Variants in MAGI1 observed in about 807,000 individuals in gnomAD.
MAGI1 encodes membrane associated guanylate kinase, WW and PDZ domain containing 1, also known as membrane-associated guanylate kinase, WW and PDZ domain-containing protein 1.
Under a neutral mutation model 139.9 loss-of-function variants are expected in MAGI1, and 58 were observed. The observed-to-expected ratio is 0.41, with a 90% CI of 0.34 to 0.52. The LOEUF (loss-of-function observed/expected upper bound fraction) is 0.52, where lower values mean the gene tolerates loss of function less well. Ranked by LOEUF, MAGI1 falls within the 20% of genes least tolerant of loss-of-function variation. The pLI is 0.12. For synonymous variants in MAGI1, 812 were observed against 737.9 expected, an observed-to-expected ratio of 1.10 and a Z score of -1.63; for missense variants, 1,874 against 1,901.6, an observed-to-expected ratio of 0.99 and a Z score of 0.27.
chr3:65,893,844 T>G (rs1156344863), intron 1 of MAGI1: 1 of 152,222 alleles, frequency 6.6e-6, no homozygotes, highest in African/African-American at 2.4e-5. Flanking sequence ...CTCTGCTTCC[T>G]GATGTCTGAA....
chr3:65,896,785 G>A (rs1193183944), intron 1 of MAGI1, among the ~76,000 whole-genome samples: 2 of 152,158 alleles, frequency 1.3e-5, no homozygotes, highest in Non-Finnish European at 2.9e-5. Flanking sequence ...TAGTGTAAAA[G>A]CAGGTGAGGC....
At chr3:65,908,563 C>T (rs1483517417) in intron 1 of MAGI1, among the ~76,000 whole-genome samples, 4 of 152,198 alleles carry the variant, frequency 2.6e-5, no homozygotes, top group African/African-American at 7.2e-5. Flanking sequence ...GGATTAGAGG[C>T]GTGAGCCACT....
chr3:65,375,711 AG>A, intron 18 of MAGI1, 33 bp downstream of exon 18: 1 of 1,445,992 alleles, frequency 6.9e-7, no homozygotes, highest in Non-Finnish European at 9.7e-7. Context: ...AGAGAAAAAG[AG>A]AGAGAGAGAG....
intron 12 of MAGI1, among the ~76,000 whole-genome samples, chr3:65,427,109 T>A (rs1947100212): frequency 6.6e-6 from 1 of 151,844 alleles, no homozygotes; most frequent in African/African-American, 2.4e-5. Flanking sequence ...AGCGCGGGAG[T>A]TCGAGACCAG....
chr3:65,645,548 G>A (rs919590136), intron 1 of MAGI1, among the ~76,000 whole-genome samples: 4 of 152,094 alleles, frequency 2.6e-5, no homozygotes, highest in African/African-American at 9.7e-5. Flanking sequence ...GACTAGAGAA[G>A]TTCTCTGAAA....
At chr3:65,688,058 C>A in intron 1 of MAGI1, 1 of 770,812 alleles carries the variant, frequency 1.3e-6, no homozygotes, top group Non-Finnish European at 2.3e-6. Flanking sequence ...AGTCATTATG[C>A]TGTGATAACC....
chr3:65,861,656 T>G (rs2059560480), intron 1 of MAGI1, among the ~76,000 whole-genome samples: 1 of 151,628 alleles, frequency 6.6e-6, no homozygotes, highest in Non-Finnish European at 1.5e-5. Context: ...AGTTTCAGAG[T>G]GAGGAGCCAC....
rs888981611 is a variant in MAGI1, at chr3:65,878,666, G to C, written c.313+159330C>G. Among the ~76,000 whole-genome samples, 5 of 152,114 alleles carry C rather than the reference G, an allele frequency of 3.3e-5. No homozygotes were observed. In the East Asian group the frequency reaches 9.6e-4, roughly 29 times the overall value. On this transcript the variant is annotated intron_variant, in intron 1 of 22. Coordinates refer to ENST00000402939, the MANE Select transcript of MAGI1 (RefSeq NM_001033057.2). ...TAAAAGTAAAAGATAAAGCACACCA[G>C]TGACAAAATGGATATGTTTCCCACC...
chr3:66,037,917 A>G (rs28696109), intron 1 of MAGI1, 79 bp downstream of exon 1: 1,236,580 of 1,508,042 alleles, frequency 0.82, 509,592 homozygotes, highest in East Asian at 0.87. Context: ...GGAGGGAAGC[A>G]GGAAATCGAG....
chr3:65,750,967 C>T (rs995539163), intron 1 of MAGI1, among the ~76,000 whole-genome samples: 1 of 152,172 alleles, frequency 6.6e-6, no homozygotes, highest in Non-Finnish European at 1.5e-5. Flanking sequence ...ATATAAGATG[C>T]ACCAGGCAAG....
intron 12 of MAGI1, among the ~76,000 whole-genome samples, chr3:65,421,760 A>T (rs1422890819): frequency 6.6e-6 from 1 of 152,306 alleles, no homozygotes; most frequent in South Asian, 2.1e-4. Flanking sequence ...TATAAACTTG[A>T]TGACACCATG....
At chr3:65,537,298 C>A (rs1480498733) in intron 2 of MAGI1, among the ~76,000 whole-genome samples, 2 of 152,264 alleles carry the variant, frequency 1.3e-5, no homozygotes, top group South Asian at 2.1e-4. Context: ...ATTGATCCTA[C>A]AAAGCCCGTT....
intron 12 of MAGI1, among the ~76,000 whole-genome samples, chr3:65,407,507 T>C (rs1482988089): frequency 1.3e-5 from 2 of 150,288 alleles, no homozygotes; most frequent in African/African-American, 4.9e-5. Flanking sequence ...AGTAGAGAGA[T>C]GTGTTATATC....
At chr3:65,435,900 A>G (rs1044137471) in intron 10 of MAGI1, among the ~76,000 whole-genome samples, 2 of 152,168 alleles carry the variant, frequency 1.3e-5, no homozygotes, top group Non-Finnish European at 2.9e-5. Context: ...TTGCTGGTTA[A>G]AAGAACTGAA....
At chr3:65,874,545 G>T (rs1220509280) in intron 1 of MAGI1, 3 of 152,142 alleles carry the variant, frequency 2.0e-5, no homozygotes, top group Non-Finnish European at 2.9e-5. Flanking sequence ...AGCCATCAGG[G>T]ATATACAAAT....
intron 1 of MAGI1, among the ~76,000 whole-genome samples, chr3:65,831,228 G>A (rs2042508310): frequency 6.6e-6 from 1 of 152,168 alleles, no homozygotes; most frequent in South Asian, 2.1e-4. Context: ...CTTCAAGCAA[G>A]TGTCACTTCC....
intron 1 of MAGI1, among the ~76,000 whole-genome samples, chr3:65,937,389 T>A (rs2063115834): frequency 6.6e-6 from 1 of 152,114 alleles, no homozygotes; most frequent in African/African-American, 2.4e-5. Flanking sequence ...GCTACGGAAA[T>A]CCTCTCCTTC....
At chr3:65,702,908 T>C (rs558330731) in intron 1 of MAGI1, among the ~76,000 whole-genome samples, 1 of 152,148 alleles carries the variant, frequency 6.6e-6, no homozygotes, top group East Asian at 1.9e-4. Flanking sequence ...GGGCTCAGCA[T>C]ATGGTGGTGA....
intron 2 of MAGI1, among the ~76,000 whole-genome samples, chr3:65,594,486 C>T (rs972178067): frequency 5.3e-5 from 8 of 152,158 alleles, no homozygotes; most frequent in African/African-American, 1.9e-4. Flanking sequence ...TAAAAGTCAT[C>T]AACAGCTGGC....
Sources: gnomAD v4.1 joint callset for allele counts (sites outside exome capture counted in the v4.1 genomes callset) on GRCh38, gnomAD v4.1.1 for gene constraint, MANE v1.5 for transcripts, NCBI Gene and HGNC (gene_info 2026-07-23, HGNC 2026-07-21) for gene names.